Variants in PEAK1 observed in about 807,000 individuals in gnomAD.
PEAK1 encodes the protein pseudopodium enriched atypical kinase 1.
Under a neutral mutation model 124.7 loss-of-function variants are expected in PEAK1, and 54 were observed. The ratio of observed to expected loss-of-function variants is 0.43; its 90% CI spans 0.35 to 0.54. The LOEUF (loss-of-function observed/expected upper bound fraction) is 0.54, where lower values mean the gene tolerates loss of function less well. PEAK1 is among the 20% of genes least tolerant of loss of function. The pLI is 0.01. For synonymous variants in PEAK1, 719 were observed against 760.0 expected (o/e 0.95, Z 0.89); for missense variants, 2,046 against 2,134.5 (o/e 0.96, Z 0.82).
intron 7 of PEAK1, among the ~76,000 whole-genome samples, chr15:77,165,605 C>A (rs948171505): frequency 6.6e-6 from 1 of 152,092 alleles, no homozygotes; most frequent in Non-Finnish European, 1.5e-5. Context: ...TCCCTCTGCT[C>A]TTTGAGTCAG....
chr15:77,179,076 TC>T lies in PEAK1; in HGVS notation c.2850del (p.Lys951AsnfsTer98). On this transcript the variant is annotated frameshift_variant, in exon 7 of 10. Coordinates refer to ENST00000682557, the MANE Select transcript of PEAK1 (RefSeq NM_001385026.1). LOFTEE classifies it high-confidence loss of function. ...EDDKEKEREK[G>X]KLVGLDGTVI... The stretch of plus-strand genomic sequence containing the variant: ...ACTGTGCCATCCAGGCCCACCAGTT[TC>T]CCTTTCTCTCGCTCTTTCTCTTTGT... 1 of 1,614,160 alleles carries T rather than the reference TC, an allele frequency of 6.2e-7. No homozygotes were observed. The highest frequency in any genetic ancestry group is 8.5e-7 in the Non-Finnish European group (1 of 1,180,040).
intron 1 of PEAK1, chr15:77,418,623 G>A: frequency 1.0e-6 from 1 of 985,250 alleles, no homozygotes; most frequent in Non-Finnish European, 1.2e-6. Context: ...TCCCAGGCAA[G>A]TCAGAAAGTA....
rs761529704 is a variant in PEAK1 at position 77,181,868 on chromosome 15, C to T, written c.59G>A (p.Cys20Tyr). 6 of 1,607,588 alleles carry T rather than the reference C, an allele frequency of 3.7e-6. No individual in the cohort carries two copies. Among genetic ancestry groups the T allele is most frequent in the Non-Finnish European group, 5.1e-6 (6 of 1,175,668 alleles). Residue 20 changes from cysteine to tyrosine, a missense_variant, in exon 7 of 10, where the codon TGC becomes TAC. By Grantham distance (194) the Cys-to-Tyr change is radical. Coordinates refer to ENST00000682557, the MANE Select transcript of PEAK1 (RefSeq NM_001385026.1). ...CTGGTGCAAACTTTTAGGTTTAAAG[C>T]AATTCTTGCATTCACCAGGTTTCCA... The part of the protein sequence containing the change: ...HVWKPGECKN[C>Y]FKPKSLHQLP...
intron 2 of PEAK1, among the ~76,000 whole-genome samples, chr15:77,290,228 G>A (rs537298053): frequency 1.9e-4 from 29 of 152,254 alleles, no homozygotes; most frequent in African/African-American, 6.0e-4. Context: ...GGGTTCAAGC[G>A]ATTCTCCTAC....
chr15:77,226,222 T>C (rs2059669257), intron 6 of PEAK1, among the ~76,000 whole-genome samples: 1 of 138,954 alleles, frequency 7.2e-6, no homozygotes, highest in South Asian at 2.3e-4. Flanking sequence ...ATTCTAAAGA[T>C]ATTTCAAGAA....
chr15:77,402,166 C>CT (rs2071423894), intron 1 of PEAK1: 3 of 525,446 alleles, frequency 5.7e-6, no homozygotes, highest in Non-Finnish European at 2.1e-6. Context: ...CACTCCACCT[C>CT]GGAAAAAAAA....
Position 77,310,627 on chromosome 15 carries a change from T to C in PEAK1, c.-602-24123A>G, listed in dbSNP as rs76575892. ...TCTAGAAGGGCACATGCAGAAAAGC[T>C]ACTTTTAGATGGGAGCTACAACCAA... On this transcript the variant is annotated intron_variant, in intron 2 of 9. Transcript: ENST00000682557. Among the ~76,000 whole-genome samples the C allele has an allele frequency of 8.5e-3, 1,302 of 152,322 alleles. 20 individuals carry two copies. Among genetic ancestry groups the C allele is most frequent in the African/African-American group, 0.03 (1,243 of 41,578 alleles).
chr15:77,265,734 G>A (rs1312016085), intron 5 of PEAK1, among the ~76,000 whole-genome samples: 2 of 152,010 alleles, frequency 1.3e-5, no homozygotes, highest in African/African-American at 2.4e-5. Flanking sequence ...AATACCATTT[G>A]ACCCAGCCAT....
chr15:77,254,267 ATTGTTCT>A (rs1411482471), intron 5 of PEAK1, among the ~76,000 whole-genome samples: 3 of 152,114 alleles, frequency 2.0e-5, no homozygotes, highest in African/African-American at 7.2e-5. Flanking sequence ...TTAAAAAAAA[ATTGTTCT>A]ATCCCATATT....
At chr15:77,261,467 T>A (rs1406384600) in intron 5 of PEAK1, among the ~76,000 whole-genome samples, 1 of 151,942 alleles carries the variant, frequency 6.6e-6, no homozygotes, top group East Asian at 1.9e-4. Context: ...GAGAACTATG[T>A]GATGAATGCA....
intron 1 of PEAK1, among the ~76,000 whole-genome samples, chr15:77,392,041 CT>C (rs1472405414): frequency 6.6e-6 from 1 of 152,142 alleles, no homozygotes; most frequent in African/African-American, 2.4e-5. Context: ...GTATATACCC[CT>C]ATAATTGTAC....
intron 5 of PEAK1, among the ~76,000 whole-genome samples, chr15:77,270,475 A>G (rs1378926790): frequency 6.6e-6 from 1 of 152,222 alleles, no homozygotes; most frequent in Non-Finnish European, 1.5e-5. Context: ...GCATTCTTAT[A>G]CACCAATAAC....
chr15:77,266,528 T>A (rs1449669167), intron 5 of PEAK1, among the ~76,000 whole-genome samples: 1 of 152,118 alleles, frequency 6.6e-6, no homozygotes, highest in African/African-American at 2.4e-5. Flanking sequence ...AACAGAAGAC[T>A]TAAATGAAAT....
At chr15:77,331,999 T>A (rs1301226528) in intron 2 of PEAK1, 1 of 169,774 alleles carries the variant, frequency 5.9e-6, no homozygotes, top group Non-Finnish European at 1.2e-5. Context: ...CACTTTGGGA[T>A]GCTGAGCCGG....
At chr15:77,125,043 T>C (rs78337345) in intron 9 of PEAK1, among the ~76,000 whole-genome samples, 1 of 152,238 alleles carries the variant, frequency 6.6e-6, no homozygotes, top group Admixed American at 6.5e-5. Flanking sequence ...TATAAGCTTC[T>C]TGAGGGCAAG....
intron 1 of PEAK1, among the ~76,000 whole-genome samples, chr15:77,367,058 C>T (rs927250580): frequency 7.2e-5 from 11 of 152,174 alleles, no homozygotes; most frequent in East Asian, 5.8e-4. Context: ...CGCTTCAACC[C>T]GGGAGGCAGA....
At chr15:77,374,643 T>C (rs1478577646) in intron 1 of PEAK1, among the ~76,000 whole-genome samples, 2 of 152,158 alleles carry the variant, frequency 1.3e-5, no homozygotes, top group Non-Finnish European at 2.9e-5. Context: ...GTAAATACTT[T>C]AAATATCACT....
intron 5 of PEAK1, among the ~76,000 whole-genome samples, chr15:77,257,032 C>T (rs898342464): frequency 6.6e-6 from 1 of 152,078 alleles, no homozygotes; most frequent in Admixed American, 6.6e-5. Context: ...CAATTTCATC[C>T]ATGTCCCTAC....
At chr15:77,316,895 T>C (rs902964610) in intron 2 of PEAK1, among the ~76,000 whole-genome samples, 1 of 152,012 alleles carries the variant, frequency 6.6e-6, no homozygotes. Context: ...CTGGCCGACA[T>C]GGCAAAACCC....
Sources: allele counts gnomAD v4.1 joint callset (sites outside exome capture counted in the v4.1 genomes callset), GRCh38; gene constraint gnomAD v4.1.1; transcripts MANE v1.5; gene names NCBI Gene and HGNC (gene_info 2026-07-23, HGNC 2026-07-21).